TMED10: variants seen among roughly 807,000 people sequenced by gnomAD.
TMED10 encodes the protein transmembrane emp24 domain-containing protein 10.
A neutral mutation model predicts 23.1 loss-of-function variants in TMED10; 7 were observed. The ratio of observed to expected loss-of-function variants is 0.30; its 90% CI spans 0.17 to 0.57. TMED10 has a LOEUF of 0.57. Ranked by LOEUF, TMED10 falls within the 20% of genes least tolerant of loss-of-function variation. The probability of loss-of-function intolerance (pLI) is 0.91; values close to 1 mark genes in which losing one functional copy is unlikely to be tolerated. For synonymous variants in TMED10, 113 were observed against 106.9 expected (o/e 1.06, Z -0.35); for missense variants, 162 against 274.8 (o/e 0.59, Z 2.90).
chr14:75,138,428 TA>T (rs1895779883), intron 3 of TMED10, among the ~76,000 whole-genome samples: 1 of 152,216 alleles, frequency 6.6e-6, no homozygotes, highest in African/African-American at 2.4e-5. Flanking sequence ...ATTTAACCAA[TA>T]GTTAATGCAC....
chr14:75,138,812 CTTT>C (rs59707221), intron 3 of TMED10, among the ~76,000 whole-genome samples: 60 of 95,044 alleles, frequency 6.3e-4, no homozygotes, highest in African/African-American at 1.8e-3. Context: ...GCCTTTGCTT[CTTT>C]TTTTTTTTTT....
In TMED10 at chr14:75,134,185, A is replaced by ATAATATTG. The variant is rs1895720387; in HGVS notation, c.*699_*700insCAATATTA. ...TGTTCTGTCTCTTGTGATGGTGGTCACATGAATCTACACATGTGATAATAT... is the reference window on the plus strand; with the variant it reads ...TGTTCTGTCTCTTGTGATGGTGGTCATAATATTGCATGAATCTACACATGTGATAATAT... On this transcript the variant is annotated 3_prime_UTR_variant, in exon 5 of 5. Coordinates refer to ENST00000303575, the MANE Select transcript of TMED10 (RefSeq NM_006827.6). The ATAATATTG allele has an allele frequency of 6.4e-6, 1 of 155,492 alleles. No homozygotes were observed. The highest frequency in any genetic ancestry group is 1.9e-4 in the South Asian group (1 of 5,328). 9.6% of individuals were successfully genotyped at this position (155,492 alleles called of 1,614,324 possible).
chr14:75,136,035 C>A, intron 3 of TMED10, 149 bp from the exon 4 acceptor site: 1 of 1,091,534 alleles, frequency 9.2e-7, no homozygotes, highest in Non-Finnish European at 1.3e-6. Flanking sequence ...ATTTGGGCTT[C>A]TTTCTTTCCC....
chr14:75,147,801 A>ATCCG, intron 2 of TMED10, 64 bp from the exon 3 acceptor site: 1 of 1,263,110 alleles, frequency 7.9e-7, no homozygotes. Context: ...TTACCCACCC[A>ATCCG]CCCGCCCGCC....
intron 1 of TMED10, among the ~76,000 whole-genome samples, chr14:75,164,573 ATATATT>A (rs1896135758): frequency 3.0e-4 from 1 of 3,318 alleles, no homozygotes; most frequent in African/African-American, 1.2e-3. Context: ...ATATATATAT[ATATATT>A]TTTTTTTTTT....
chr14:75,166,142 G>A (rs1182492348), intron 1 of TMED10, among the ~76,000 whole-genome samples: 1 of 152,078 alleles, frequency 6.6e-6, no homozygotes, highest in Non-Finnish European at 1.5e-5. Context: ...AAAACCTCCA[G>A]CGTGACCCTT....
chr14:75,162,455 TTAAA>T (rs1479507396), intron 1 of TMED10, among the ~76,000 whole-genome samples: 4 of 152,134 alleles, frequency 2.6e-5, no homozygotes, highest in Admixed American at 1.3e-4. Flanking sequence ...AAATGATTGA[TTAAA>T]TAAATAAATA....
chr14:75,147,185 G>GTTTTTTTTTTGTTTTTTTTTTTTTTTTTT (rs1491353231), intron 3 of TMED10, among the ~76,000 whole-genome samples: 4 of 116,632 alleles, frequency 3.4e-5, no homozygotes, highest in African/African-American at 1.5e-4. Flanking sequence ...CTTCAAGGCT[G>GTTTTTTTTTTGTTTTTTTTTTTTTTTTTT]TTTTTTTTTT....
intron 3 of TMED10, among the ~76,000 whole-genome samples, chr14:75,141,311 T>C (rs1010443163): frequency 5.3e-5 from 8 of 152,130 alleles, no homozygotes; most frequent in Non-Finnish European, 1.2e-4. Context: ...CAACTACGAA[T>C]AGTCTAGACA....
In TMED10 at chr14:75,172,170, C is replaced by A. The variant is rs1356472819; in HGVS notation, c.225+4185G>T. On this transcript the variant is annotated intron_variant, in intron 1 of 4. Transcript: ENST00000303575. ...GCAATTGACTCCAACAATTCAATTG[C>A]AAGGATAAAAAAGGAGGTGAGAGGA... Among the ~76,000 whole-genome samples the A allele has an allele frequency of 2.0e-5, 3 of 152,110 alleles. No individual in the cohort carries two copies. The East Asian group carries it at 5.8e-4, about 29-fold the overall frequency.
At chr14:75,135,711 T>C in intron 4 of TMED10, 49 bp downstream of exon 4, 2 of 1,595,934 alleles carry the variant, frequency 1.3e-6, no homozygotes, top group Non-Finnish European at 1.7e-6. Context: ...GTTTGGAGAC[T>C]GTCTCATTTA....
At chr14:75,152,512 T>C (rs950542535) in intron 1 of TMED10, among the ~76,000 whole-genome samples, 1 of 152,196 alleles carries the variant, frequency 6.6e-6, no homozygotes, top group Non-Finnish European at 1.5e-5. Flanking sequence ...TAGACAATTA[T>C]CAAAAGATTA....
In TMED10 at chr14:75,140,343, CCCT is replaced by C. The variant is rs555637101; in HGVS notation, c.412-4460_412-4458del. On this transcript the variant is annotated intron_variant, in intron 3 of 4. Transcript: ENST00000303575. ...CTCGAACTTGTGACCTCATGATCCG[CCCT>C]CCTCGGCCTCCCAAAGTGCTGGGAT... is the stretch of plus-strand genomic sequence containing the variant. Among the ~76,000 whole-genome samples the C allele has an allele frequency of 1.2e-3, 179 of 152,086 alleles. 1 individual carries two copies. Among genetic ancestry groups the C allele is most frequent in the African/African-American group, 4.3e-3 (178 of 41,538 alleles).
At chr14:75,146,908 C>CAGATAGATAGATAGATAGATAGAT (rs35810783) in intron 3 of TMED10, among the ~76,000 whole-genome samples, 1 of 149,596 alleles carries the variant, frequency 6.7e-6, no homozygotes, top group East Asian at 2.0e-4. Flanking sequence ...ATCCATGCCC[C>CAGATAGATAGATAGATAGATAGAT]AGATAGATAG....
chr14:75,154,955 A>C (rs1594870297), intron 1 of TMED10, among the ~76,000 whole-genome samples: 1 of 135,446 alleles, frequency 7.4e-6, no homozygotes, highest in Non-Finnish European at 1.6e-5. Context: ...AAGCCATCTC[A>C]CCTGGCCCTT....
intron 1 of TMED10, among the ~76,000 whole-genome samples, chr14:75,154,402 A>AG (rs1566672783): frequency 1.7e-5 from 1 of 57,926 alleles, no homozygotes; most frequent in African/African-American, 8.2e-5. Flanking sequence ...ACTCTGTCTC[A>AG]AAAAAAAAAA....
chr14:75,157,989 G>A (rs1308676432), intron 1 of TMED10, among the ~76,000 whole-genome samples: 1 of 152,002 alleles, frequency 6.6e-6, no homozygotes, highest in Non-Finnish European at 1.5e-5. Context: ...GTGGATTTGA[G>A]AAATGTCCAA....
chr14:75,135,529 G>T (rs1423327403), intron 4 of TMED10: 2 of 505,006 alleles, frequency 4.0e-6, no homozygotes, highest in Non-Finnish European at 6.9e-6. Context: ...GTTTGATGTG[G>T]GTATAGACTA....
At chr14:75,162,722 TG>T (rs1896099781) in intron 1 of TMED10, among the ~76,000 whole-genome samples, 1 of 152,084 alleles carries the variant, frequency 6.6e-6, no homozygotes, top group East Asian at 1.9e-4. Flanking sequence ...TTCATCCAAA[TG>T]ATCAAGGGCA....
Sources: allele counts gnomAD v4.1 joint callset (sites outside exome capture counted in the v4.1 genomes callset), GRCh38; gene constraint gnomAD v4.1.1; transcripts MANE v1.5; gene names NCBI Gene and HGNC (gene_info 2026-07-23, HGNC 2026-07-21).